The following CRYBG2 variants were observed in gnomAD, a reference collection of about 807,000 sequenced individuals.
CRYBG2 encodes beta/gamma crystallin domain-containing protein 2.
CRYBG2 carries 106 observed loss-of-function variants against 153.4 expected under a neutral mutation model. The observed-to-expected ratio is 0.69, with a 90% CI of 0.59 to 0.81. The LOEUF (loss-of-function observed/expected upper bound fraction) is 0.81. CRYBG2 is among the 30% of genes least tolerant of loss of function. The probability of loss-of-function intolerance (pLI) is 0.00; values close to 1 mark genes in which losing one functional copy is unlikely to be tolerated. For missense variants in CRYBG2, 1,996 were observed against 2,112.0 expected (o/e 0.95, Z 1.08); for synonymous variants, 851 against 877.8 (o/e 0.97, Z 0.54).
At chr1:26,332,389 A>G (rs2074007976) in intron 14 of CRYBG2, among the ~76,000 whole-genome samples, 1 of 152,110 alleles carries the variant, frequency 6.6e-6, no homozygotes, top group South Asian at 2.1e-4. Flanking sequence ...AAAGGGATAT[A>G]AAGTGATCTC....
At chr1:26,326,832 G>A in intron 17 of CRYBG2, 1 of 515,578 alleles carries the variant, frequency 1.9e-6, no homozygotes, top group Non-Finnish European at 3.9e-6. Flanking sequence ...TGTGGCGTGT[G>A]CCCAGGCAGA....
rs1231195592 is a variant in CRYBG2 at position 26,344,191 on chromosome 1, G to T, written c.2467C>A (p.Leu823Met). 1 of 1,535,780 alleles carries T rather than the reference G, an allele frequency of 6.5e-7. No individual in the cohort carries two copies. The highest frequency in any genetic ancestry group is 2.0e-5 in the Admixed American group (1 of 50,900). ...LGPGPQEVPSLEEKEEEEEEE... is the reference protein window; with the variant it reads ...LGPGPQEVPSMEEKEEEEEEE... ...TCCTCCTCCTCCTCTTTCTCTTCCA[G>T]TGAAGGCACCTCCTGGGGTCCGGGG... The change falls in exon 2 of 20, where the codon CTG becomes ATG. Residue 823 changes from leucine (L) to methionine (M), a missense_variant. Physicochemically the swap from Leu to Met is conservative, Grantham distance 15. Coordinates refer to ENST00000308182, the MANE Select transcript of CRYBG2 (RefSeq NM_001039775.4).
In CRYBG2 at chr1:26,336,033, C is replaced by T; in HGVS notation, c.4184+62G>A. On this transcript the variant is annotated intron_variant, in intron 14 of 19. Transcript: ENST00000308182. This position sits in a 1 kb window ranked among gnomAD's most constrained non-coding sequence, Gnocchi z 4.9. ...AAGGAAGGAAATCATTTGAAAGACT[C>T]TCCTCCTGCAGCCCCGCCTCTGCCC... 7.7e-7 allele frequency: 1 copy of T among 1,295,728 alleles called. No homozygotes were observed. Among genetic ancestry groups the T allele is most frequent in the Non-Finnish European group, 1.0e-6 (1 of 961,998 alleles). The allele number at this position is 1,295,728 out of a possible 1,614,324, so 80.3% of individuals were successfully genotyped here. A position where few individuals can be genotyped will look rare whatever the true frequency, so the allele number is the denominator to read the frequency against.
At chr1:26,331,397 C>A in intron 15 of CRYBG2, 92 bp downstream of exon 15, 1 of 1,533,592 alleles carries the variant, frequency 6.5e-7, no homozygotes, top group South Asian at 1.2e-5. Context: ...CTGGAATCAA[C>A]CCCTGCACCA....
Position 26,348,047 on chromosome 1 carries a change from C to T in CRYBG2, c.-55-1335G>A, listed in dbSNP as rs556425019. 3.4e-3 allele frequency among the ~76,000 whole-genome samples: 513 copies of T among 152,322 alleles called. 1 individual carries two copies. The highest frequency in any genetic ancestry group is 5.6e-3 in the Non-Finnish European group (379 of 68,034). ...CTCCTGGGCTGAAGTGATCCTTCTG[C>T]GTTAACTCTCCAAGTAATTGGGACT... On this transcript the variant is annotated intron_variant, in intron 1 of 19. Coordinates refer to ENST00000308182, the MANE Select transcript of CRYBG2 (RefSeq NM_001039775.4).
chr1:26,334,195 G>A (rs1166801765), intron 14 of CRYBG2, among the ~76,000 whole-genome samples: 4 of 152,194 alleles, frequency 2.6e-5, no homozygotes, highest in African/African-American at 9.7e-5. Flanking sequence ...GACCAAGAAG[G>A]GAGGATTGCT....
At chr1:26,338,077 C>A (rs770000853) in intron 7 of CRYBG2, 30 bp from the exon 8 acceptor site, 1 of 1,610,788 alleles carries the variant, frequency 6.2e-7, no homozygotes. Context: ...GAGACACCAG[C>A]CCAGAGATGG....
chr1:26,331,244 A>G (rs984040750), intron 15 of CRYBG2, among the ~76,000 whole-genome samples: 2 of 152,166 alleles, frequency 1.3e-5, no homozygotes, highest in Non-Finnish European at 2.9e-5. Flanking sequence ...CTATGGGATC[A>G]TGGGTTCCTT....
In CRYBG2 at chr1:26,345,679, C is replaced by T; in HGVS notation, c.979G>A (p.Glu327Lys). Reference sequence around the variant, plus strand: ...GGGGCTCCCAGCACCTGCCAGAGCTCACAGGCCCTGGCATCCGGGGCTCTG... The same window carrying T: ...GGGGCTCCCAGCACCTGCCAGAGCTTACAGGCCCTGGCATCCGGGGCTCTG... Reference protein sequence around the residue: ...QGRAPDARACELWQVLGAPSS... With the variant: ...QGRAPDARACKLWQVLGAPSS... Residue 327 changes from glutamate to lysine, a missense_variant, in exon 2 of 20, where the codon GAG (glutamate) becomes AAG (lysine). By Grantham distance (56) the Glu-to-Lys change is moderately conservative. Coordinates refer to ENST00000308182, the MANE Select transcript of CRYBG2 (RefSeq NM_001039775.4). 1 of 1,598,608 alleles carries T rather than the reference C, an allele frequency of 6.3e-7. No homozygotes were observed. The highest frequency in any genetic ancestry group is 8.5e-7 in the Non-Finnish European group (1 of 1,179,714).
intron 18 of CRYBG2, 79 bp from the exon 19 acceptor site, chr1:26,322,402 G>T: frequency 6.8e-7 from 1 of 1,478,624 alleles, no homozygotes; most frequent in Non-Finnish European, 9.0e-7. Context: ...TGACCCATCT[G>T]CTCTGAATCC....
chr1:26,344,375 G>A lies in CRYBG2; in HGVS notation c.2283C>T (p.Ala761=), dbSNP rs146795377. The A allele has an allele frequency of 1.1e-5, 17 of 1,513,270 alleles. No individual in the cohort carries two copies. The highest frequency in any genetic ancestry group is 9.7e-5 in the African/African-American group (7 of 72,178). The allele number at this position is 1,513,270 out of a possible 1,614,324, so 93.7% of individuals were successfully genotyped here. A position where few individuals can be genotyped will look rare whatever the true frequency, so the allele number is the denominator to read the frequency against. ...TSREEDEVAL[A]ADLEIFLDTL... The stretch of plus-strand genomic sequence containing the variant: ...TATCCAGGAATATCTCCAGGTCAGC[G>A]GCCAGGGCCACCTCATCCTCCTCCC... The change falls in exon 2 of 20, where the codon GCC becomes GCT. Residue 761 remains alanine (A), a synonymous_variant. Coordinates refer to ENST00000308182, the MANE Select transcript of CRYBG2 (RefSeq NM_001039775.4).
At chr1:26,327,973 GA>G (rs1397738760) in intron 17 of CRYBG2, among the ~76,000 whole-genome samples, 1 of 149,850 alleles carries the variant, frequency 6.7e-6, no homozygotes, top group Non-Finnish European at 1.5e-5. Flanking sequence ...AAAAGAAAGA[GA>G]AAAAAAAGCT....
At position 26,345,463 on chromosome 1, in the gene CRYBG2, G is replaced by C. The variant is rs916144165; in HGVS notation, c.1195C>G (p.Pro399Ala). Residue 399 changes from proline (P) to alanine (A), a missense_variant, in exon 2 of 20, where the codon CCC (proline) becomes GCC (alanine). Coordinates refer to ENST00000308182, the MANE Select transcript of CRYBG2 (RefSeq NM_001039775.4). ...ATGGGCAGGACGGTGGCAGCAGGGG[G>C]GTCCACGGGCCCGTCCTTTTTTTTA... ...PPKKKDGPVD[P>A]PAATVLPMVR... The C allele has an allele frequency of 1.9e-6, 3 of 1,596,340 alleles. No individual in the cohort carries two copies. The highest frequency in any genetic ancestry group is 2.6e-6 in the Non-Finnish European group (3 of 1,170,236).
At chr1:26,327,487 A>AC (rs2073945839) in intron 17 of CRYBG2, among the ~76,000 whole-genome samples, 1 of 151,652 alleles carries the variant, frequency 6.6e-6, no homozygotes, top group Non-Finnish European at 1.5e-5. Context: ...AAAACAAAAA[A>AC]AAAAACCAAA....
chr1:26,344,296 C>T lies in CRYBG2; in HGVS notation c.2362G>A (p.Ala788Thr), dbSNP rs958999940. Reference protein sequence around the residue: ...EILRTHRLPRAPRSSYLSMYA... With the variant: ...EILRTHRLPRTPRSSYLSMYA... ...ATGGACAGGTAGGAGGAGCGAGGGGCTCGTGGCAGCCGGTGAGTGCGGAGG... is the reference window on the plus strand; with the variant it reads ...ATGGACAGGTAGGAGGAGCGAGGGGTTCGTGGCAGCCGGTGAGTGCGGAGG... The change falls in exon 2 of 20, where the codon GCC (alanine) becomes ACC (threonine). Residue 788 changes from alanine (A) to threonine (T), a missense_variant. Transcript: ENST00000308182. The T allele has an allele frequency of 1.3e-6, 2 of 1,512,738 alleles. No homozygotes were observed. The highest frequency in any genetic ancestry group is 1.8e-6 in the Non-Finnish European group (2 of 1,132,140). 93.7% of individuals were successfully genotyped at this position (1,512,738 alleles called of 1,614,324 possible). A position where few individuals can be genotyped will look rare whatever the true frequency, so the allele number is the denominator to read the frequency against.
intron 17 of CRYBG2, chr1:26,327,012 A>C (rs1304738940): frequency 2.0e-6 from 1 of 504,488 alleles, no homozygotes; most frequent in Non-Finnish European, 3.9e-6. Context: ...TGTTGAAGGC[A>C]CAAGCACAGA....
Position 26,343,901 on chromosome 1 carries a change from C to T in CRYBG2, c.2757G>A (p.Glu919=), listed in dbSNP as rs1183265183. The T allele has an allele frequency of 2.6e-6, 4 of 1,531,546 alleles. No homozygotes were observed. The highest frequency in any genetic ancestry group is 1.2e-5 in the South Asian group (1 of 81,686). 94.9% of individuals were successfully genotyped at this position (1,531,546 alleles called of 1,614,324 possible). ...TGCCCAGCGGTTCCGGGGTGGAGGCCTCCTTGGCGGTAGGCACCAGACTGC... is the reference window on the plus strand; with the variant it reads ...TGCCCAGCGGTTCCGGGGTGGAGGCTTCCTTGGCGGTAGGCACCAGACTGC... ...LFGSLVPTAK[E]ASTPEPLGTK... Residue 919 remains glutamate (E), a synonymous_variant, in exon 2 of 20, where the codon GAG becomes GAA. Transcript: ENST00000308182. The surrounding 1 kb of genome is among the most constrained non-coding windows in gnomAD (Gnocchi z 4.1).
chr1:26,327,195 G>T (rs146430897), intron 17 of CRYBG2, among the ~76,000 whole-genome samples: 2,903 of 152,144 alleles, frequency 0.019, 103 homozygotes, highest in African/African-American at 0.066. Flanking sequence ...TTAGCTAGGC[G>T]CAGTGGCTCA....
intron 18 of CRYBG2, 57 bp from the exon 19 acceptor site, chr1:26,322,380 C>T: frequency 6.4e-7 from 1 of 1,551,788 alleles, no homozygotes; most frequent in Non-Finnish European, 8.7e-7. Context: ...TCTACTGTAC[C>T]CAAGAAACCC....
Sources: gnomAD v4.1 joint callset for allele counts (sites outside exome capture counted in the v4.1 genomes callset) on GRCh38, gnomAD v4.1.1 for gene constraint, Gnocchi (gnomAD v3.1) non-coding constraint, MANE v1.5 for transcripts, NCBI Gene and HGNC (gene_info 2026-07-23, HGNC 2026-07-21) for gene names.